Variants in CAST observed in about 807,000 individuals in gnomAD.
The protein encoded by CAST is MIR583 host.
A neutral mutation model predicts 119.6 loss-of-function variants in CAST; 76 were observed. The ratio of observed to expected loss-of-function variants is 0.64; its 90% CI spans 0.53 to 0.77. CAST has a LOEUF of 0.77. Ranked by LOEUF, CAST falls within the 30% of genes least tolerant of loss-of-function variation. The pLI is 0.00. For missense variants in CAST, 953 were observed against 946.5 expected, an observed-to-expected ratio of 1.01 and a Z score of -0.09; for synonymous variants, 319 against 331.6, an observed-to-expected ratio of 0.96 and a Z score of 0.41.
At chr5:96,013,199 T>A in the CAST span, among the ~76,000 whole-genome samples, 1 of 151,692 alleles carries the variant, frequency 6.6e-6, no homozygotes, top group Non-Finnish European at 1.5e-5. Flanking sequence ...GTATGCTTTT[T>A]TTTTTTTGCT....
At chr5:96,118,803 A>G in the CAST span, among the ~76,000 whole-genome samples, 5 of 151,658 alleles carry the variant, frequency 3.3e-5, no homozygotes, top group African/African-American at 4.9e-5. Flanking sequence ...CCCCTGAGGT[A>G]CTGTTTCAGC....
At chr5:96,656,058 A>C (rs1748153876) in intron 1 of CAST, among the ~76,000 whole-genome samples, 5 of 152,264 alleles carry the variant, frequency 3.3e-5, no homozygotes, top group Admixed American at 3.3e-4. Context: ...AATAAAACAT[A>C]GTTCACATTA....
the CAST span, among the ~76,000 whole-genome samples, chr5:96,305,883 A>G: frequency 2.6e-5 from 4 of 152,202 alleles, no homozygotes; most frequent in South Asian, 2.1e-4. Flanking sequence ...TTTCACATCA[A>G]TGTTCATCAG....
intron 1 of CAST, among the ~76,000 whole-genome samples, chr5:96,633,899 C>T (rs1580854029): frequency 6.6e-6 from 1 of 152,216 alleles, no homozygotes; most frequent in African/African-American, 2.4e-5. Context: ...AAAATCTATC[C>T]TCTCCTTTTA....
the CAST span, among the ~76,000 whole-genome samples, chr5:96,098,681 G>A: frequency 6.6e-6 from 1 of 152,014 alleles, no homozygotes; most frequent in Non-Finnish European, 1.5e-5. Flanking sequence ...CACTGGTCTA[G>A]GTAACTGTTT....
chr5:96,558,454 C>A (rs555523227), intron 1 of CAST, among the ~76,000 whole-genome samples: 4 of 151,984 alleles, frequency 2.6e-5, no homozygotes, highest in Non-Finnish European at 5.9e-5. Flanking sequence ...AATTGAGAGA[C>A]CACTAGCAAG....
chr5:96,047,452 C>T, the CAST span, among the ~76,000 whole-genome samples: 1 of 152,134 alleles, frequency 6.6e-6, no homozygotes, highest in East Asian at 1.9e-4. Context: ...ACATTGTATC[C>T]TGGAAGCCCA....
the CAST span, among the ~76,000 whole-genome samples, chr5:95,974,794 A>G: frequency 1.3e-5 from 2 of 152,250 alleles, no homozygotes; most frequent in African/African-American, 4.8e-5. Context: ...GTTTACAACC[A>G]TAAGGACAAG....
At chr5:96,488,363 C>T in the CAST span, among the ~76,000 whole-genome samples, 3 of 151,964 alleles carry the variant, frequency 2.0e-5, no homozygotes, top group African/African-American at 7.3e-5. Flanking sequence ...TAAAAAGAAA[C>T]AGCTAAAAAA....
the CAST span, among the ~76,000 whole-genome samples, chr5:96,491,771 G>A: frequency 6.6e-6 from 1 of 152,152 alleles, no homozygotes. Flanking sequence ...TCTATCAACA[G>A]TAGAATGATA....
chr5:96,078,123 C>G, the CAST span, among the ~76,000 whole-genome samples: 20 of 152,192 alleles, frequency 1.3e-4, no homozygotes, highest in Non-Finnish European at 2.6e-4. Flanking sequence ...AGCACAAGCT[C>G]TCTTGTCTCT....
the CAST span, among the ~76,000 whole-genome samples, chr5:96,256,158 C>T: frequency 6.7e-6 from 1 of 149,452 alleles, no homozygotes; most frequent in Non-Finnish European, 1.5e-5. Context: ...ATAATCAAGG[C>T]AGAACTGTAT....
At chr5:96,646,276 A>C (rs767515876) in intron 1 of CAST, among the ~76,000 whole-genome samples, 1 of 152,246 alleles carries the variant, frequency 6.6e-6, no homozygotes, top group Non-Finnish European at 1.5e-5. Flanking sequence ...AAATTTCTCT[A>C]ACAAATATAC....
At chr5:96,432,905 G>A in the CAST span, 1 of 1,614,130 alleles carries the variant, frequency 6.2e-7, no homozygotes. Context: ...CGATGGCCGA[G>A]GCTGCTTCCG....
the CAST span, among the ~76,000 whole-genome samples, chr5:96,440,193 A>G: frequency 7.2e-6 from 1 of 138,318 alleles, no homozygotes; most frequent in African/African-American, 2.7e-5. Flanking sequence ...TTTTTTTCTT[A>G]TAATGGAGTT....
the CAST span, among the ~76,000 whole-genome samples, chr5:96,117,469 G>C: frequency 6.6e-6 from 1 of 152,092 alleles, no homozygotes; most frequent in Non-Finnish European, 1.5e-5. Flanking sequence ...GCTGGTAGCT[G>C]TTCAGTTCTC....
the CAST span, among the ~76,000 whole-genome samples, chr5:96,112,000 A>G: frequency 2.6e-3 from 390 of 151,230 alleles, 1 homozygote; most frequent in Non-Finnish European, 3.8e-3. Context: ...TATATTTTAT[A>G]TAGTTTTTTA....
chr5:96,479,250 C>G, the CAST span, among the ~76,000 whole-genome samples: 1 of 152,182 alleles, frequency 6.6e-6, no homozygotes, highest in Non-Finnish European at 1.5e-5. Flanking sequence ...ACTCATATCA[C>G]TGGTAGCTGC....
At chr5:96,647,545 T>C (rs1239732973) in intron 1 of CAST, among the ~76,000 whole-genome samples, 1 of 152,204 alleles carries the variant, frequency 6.6e-6, no homozygotes, top group African/African-American at 2.4e-5. Context: ...GTTGAAGTCC[T>C]AACCCCATAC....
Sources: gnomAD v4.1 joint callset for allele counts (sites outside exome capture counted in the v4.1 genomes callset) on GRCh38, gnomAD v4.1.1 for gene constraint, MANE v1.5 for transcripts, NCBI Gene and HGNC (gene_info 2026-07-23, HGNC 2026-07-21) for gene names.